The following MED13 variants were observed in gnomAD, a reference collection of about 807,000 sequenced individuals.
MED13 encodes mediator of RNA polymerase II transcription subunit 13.
Under a neutral mutation model 225.2 loss-of-function variants are expected in MED13, and 23 were observed. The observed-to-expected ratio is 0.10, with a 90% CI of 0.07 to 0.14. The LOEUF (loss-of-function observed/expected upper bound fraction) is 0.14, where lower values mean the gene tolerates loss of function less well. MED13 is among the 10% of genes least tolerant of loss of function. MED13 has a pLI of 1.00. For synonymous variants in MED13, 942 were observed against 889.2 expected, an observed-to-expected ratio of 1.06 and a Z score of -1.06; for missense variants, 2,197 against 2,594.5, an observed-to-expected ratio of 0.85 and a Z score of 3.33.
At chr17:62,017,430 G>T (rs2080594087) in intron 8 of MED13, among the ~76,000 whole-genome samples, 1 of 151,886 alleles carries the variant, frequency 6.6e-6, no homozygotes, top group Admixed American at 6.6e-5. Flanking sequence ...AATATAAAAA[G>T]GAAAAAATAA....
chr17:61,989,172 G>A (rs2080273660), intron 11 of MED13, among the ~76,000 whole-genome samples: 1 of 151,942 alleles, frequency 6.6e-6, no homozygotes, highest in African/African-American at 2.4e-5. Context: ...CACCACACCC[G>A]GCTGATTTTT....
chr17:62,028,926 G>C (rs966275050), intron 8 of MED13, among the ~76,000 whole-genome samples: 3 of 152,178 alleles, frequency 2.0e-5, no homozygotes, highest in Non-Finnish European at 4.4e-5. Context: ...GGAAAGCCAA[G>C]GGGAGGACTG....
intron 8 of MED13, among the ~76,000 whole-genome samples, chr17:62,012,418 C>T (rs993540815): frequency 6.6e-6 from 1 of 150,600 alleles, no homozygotes; most frequent in East Asian, 2.0e-4. Flanking sequence ...CAACCTCCAC[C>T]TCCGGGGTTC....
intron 8 of MED13, among the ~76,000 whole-genome samples, chr17:62,015,935 T>C (rs2080567361): frequency 1.2e-4 from 1 of 8,480 alleles, no homozygotes; most frequent in Admixed American, 1.8e-3. Context: ...TATATATATA[T>C]ATATATATAT....
At position 61,944,063 on chromosome 17, in the gene MED13, T is replaced by A. The variant is rs537458098; in HGVS notation, c.*2405A>T. 80 of 152,702 alleles carry A rather than the reference T, an allele frequency of 5.2e-4. No homozygotes were observed. The highest frequency in any genetic ancestry group is 1.7e-3 in the African/African-American group (72 of 41,570). 9.5% of individuals were successfully genotyped at this position (152,702 alleles called of 1,614,324 possible). On this transcript the variant is annotated 3_prime_UTR_variant, in exon 30 of 30. Transcript: ENST00000397786. ...GTTATTTAATAACTTTCCATTGAGT[T>A]TGAATGGATATATGAAGGGAAGAAA...
chr17:61,950,174 A>G (rs903167103), intron 28 of MED13, among the ~76,000 whole-genome samples: 2 of 152,134 alleles, frequency 1.3e-5, no homozygotes. Flanking sequence ...AGAAGGTTAG[A>G]CAGAGGTAAT....
At chr17:61,961,519 C>CAAA (rs56723756) in intron 22 of MED13, 69 bp downstream of exon 22, 1,073 of 731,394 alleles carry the variant, frequency 1.5e-3, no homozygotes, top group South Asian at 2.2e-3. Flanking sequence ...GGCTCCATCT[C>CAAA]AAAAAAAAAA....
chr17:62,037,923 T>C (rs2080818681), intron 3 of MED13, among the ~76,000 whole-genome samples: 3 of 118,166 alleles, frequency 2.5e-5, no homozygotes, highest in African/African-American at 3.1e-5. Context: ...GCCACTGCAC[T>C]TCAGCCTGGG....
intron 28 of MED13, among the ~76,000 whole-genome samples, chr17:61,947,734 C>T (rs936159564): frequency 6.6e-6 from 1 of 152,152 alleles, no homozygotes; most frequent in African/African-American, 2.4e-5. Context: ...TAGGTAAAAA[C>T]TGGCACACTC....
chr17:61,956,217 T>C lies in MED13; in HGVS notation c.5623+122A>G. The C allele has an allele frequency of 4.1e-6, 4 of 968,040 alleles. No individual in the cohort carries two copies. In the Admixed American group the frequency reaches 8.4e-5, roughly 20 times the overall value. The allele number at this position is 968,040 out of a possible 1,614,324, so 60.0% of individuals were successfully genotyped here. A position where few individuals can be genotyped will look rare whatever the true frequency, so the allele number is the denominator to read the frequency against. On this transcript the variant is annotated intron_variant, in intron 24 of 29. Coordinates refer to ENST00000397786, the MANE Select transcript of MED13 (RefSeq NM_005121.3). ...AATTAAGCCATTTGTGGCCTAGACA[T>C]ATGTGGTTCCTTATTTGATAACCTT...
At chr17:62,046,044 A>T (rs1343402059) in intron 3 of MED13, among the ~76,000 whole-genome samples, 1 of 152,230 alleles carries the variant, frequency 6.6e-6, no homozygotes, top group African/African-American at 2.4e-5. Flanking sequence ...TTCTTTCTTT[A>T]CAACTCTTGT....
intron 28 of MED13, among the ~76,000 whole-genome samples, chr17:61,950,177 G>A: frequency 6.6e-6 from 1 of 152,078 alleles, no homozygotes; most frequent in Admixed American, 6.5e-5. Flanking sequence ...AGGTTAGACA[G>A]AGGTAATATA....
At chr17:61,994,254 C>T (rs1032897090) in intron 10 of MED13, among the ~76,000 whole-genome samples, 4 of 152,172 alleles carry the variant, frequency 2.6e-5, no homozygotes, top group Non-Finnish European at 5.9e-5. Flanking sequence ...ACCTCAGCCT[C>T]CCAAAGTGCT....
intron 9 of MED13, chr17:62,007,353 C>G (rs1184480619): frequency 6.6e-6 from 1 of 151,760 alleles, no homozygotes; most frequent in East Asian, 1.9e-4. Context: ...CATCAAACAA[C>G]GGAATGTTAT....
Position 61,944,260 on chromosome 17 carries a change from A to G in MED13, c.*2208T>C, listed in dbSNP as rs1286000227. 6.6e-6 allele frequency: 1 copy of G among 151,550 alleles called. No individual in the cohort carries two copies. The highest frequency in any genetic ancestry group is 1.5e-5 in the Non-Finnish European group (1 of 67,320). 9.4% of individuals were successfully genotyped at this position (151,550 alleles called of 1,614,324 possible). A position where few individuals can be genotyped will look rare whatever the true frequency, so the allele number is the denominator to read the frequency against. ...GTGGTTATCATAGGTTAGTGATTTT[A>G]AACAACTGAGAATATAACTTTTATT... On this transcript the variant is annotated 3_prime_UTR_variant, in exon 30 of 30. Coordinates refer to ENST00000397786, the MANE Select transcript of MED13 (RefSeq NM_005121.3).
At chr17:62,019,214 C>CT (rs1452229460) in intron 8 of MED13, among the ~76,000 whole-genome samples, 11 of 152,222 alleles carry the variant, frequency 7.2e-5, no homozygotes, top group African/African-American at 1.4e-4. Flanking sequence ...AAGAATTCAA[C>CT]TATCTTACTA....
chr17:61,958,488 A>G (rs12600620), intron 23 of MED13, among the ~76,000 whole-genome samples: 25,917 of 151,590 alleles, frequency 0.17, 2,560 homozygotes, highest in East Asian at 0.5. Flanking sequence ...ACAGGCGTGT[A>G]CGACCACACC....
intron 4 of MED13, among the ~76,000 whole-genome samples, chr17:62,034,880 A>G (rs1291569490): frequency 1.3e-5 from 2 of 152,108 alleles, no homozygotes; most frequent in Non-Finnish European, 1.5e-5. Flanking sequence ...GCACTTTGGG[A>G]GGCCGAGGCA....
At chr17:61,998,427 T>C (rs563894739) in intron 9 of MED13, among the ~76,000 whole-genome samples, 2 of 152,352 alleles carry the variant, frequency 1.3e-5, no homozygotes, top group East Asian at 3.9e-4. Flanking sequence ...TGTACTCATA[T>C]AGAATTTAAC....
Sources: gnomAD v4.1 joint callset for allele counts (sites outside exome capture counted in the v4.1 genomes callset) on GRCh38, gnomAD v4.1.1 for gene constraint, MANE v1.5 for transcripts, NCBI Gene and HGNC (gene_info 2026-07-23, HGNC 2026-07-21) for gene names.